Variants in LIN9 observed in about 807,000 individuals in gnomAD.
LIN9 encodes lin-9 DREAM MuvB core complex component, also known as protein lin-9 homolog.
A neutral mutation model predicts 78.0 loss-of-function variants in LIN9; 18 were observed. The ratio of observed to expected loss-of-function variants is 0.23; its 90% confidence interval spans 0.16 to 0.34. The LOEUF (loss-of-function observed/expected upper bound fraction) is 0.34. Ranked by LOEUF, LIN9 falls within the 10% of genes least tolerant of loss-of-function variation. The pLI, the probability that LIN9 is intolerant of heterozygous loss-of-function variation, is 1.00. For synonymous variants in LIN9, 192 were observed against 215.2 expected (o/e 0.89, Z 0.94); for missense variants, 451 against 644.1 (o/e 0.70, Z 3.25).
At chr1:226,241,751 G>A (rs368470981) in intron 11 of LIN9, among the ~76,000 whole-genome samples, 149 of 152,130 alleles carry the variant, frequency 9.8e-4, no homozygotes, top group African/African-American at 3.5e-3. Flanking sequence ...CCAGCTACTC[G>A]GGAGGCTGAG....
intron 1 of LIN9, among the ~76,000 whole-genome samples, chr1:226,302,740 T>G (rs1662642682): frequency 6.6e-6 from 1 of 152,208 alleles, no homozygotes. Context: ...GAGGACGGAT[T>G]AATCCTCCTT....
chr1:226,251,103 C>G (rs1361406160), intron 10 of LIN9, among the ~76,000 whole-genome samples, 184 bp from the exon 11 acceptor site: 1 of 152,154 alleles, frequency 6.6e-6, no homozygotes, highest in Non-Finnish European at 1.5e-5. Context: ...GTCACCCAGG[C>G]TGGAGTGCAG....
chr1:226,272,588 G>A (rs574477874), intron 7 of LIN9, among the ~76,000 whole-genome samples: 1 of 148,680 alleles, frequency 6.7e-6, no homozygotes, highest in South Asian at 2.1e-4. Flanking sequence ...GTCTCACTAT[G>A]GTGGGAAAAA....
chr1:226,240,853 GTTC>G (rs1170817472), intron 11 of LIN9, among the ~76,000 whole-genome samples: 2 of 152,120 alleles, frequency 1.3e-5, no homozygotes, highest in Non-Finnish European at 2.9e-5. Context: ...CCTGGCTAAT[GTTC>G]TAAGTGTTTT....
chr1:226,294,747 C>A (rs1662026805), intron 4 of LIN9, among the ~76,000 whole-genome samples: 1 of 151,862 alleles, frequency 6.6e-6, no homozygotes, highest in Non-Finnish European at 1.5e-5. Flanking sequence ...AATTACATTA[C>A]CCTTAAAGTT....
intron 7 of LIN9, among the ~76,000 whole-genome samples, chr1:226,275,721 G>GA (rs369733182): frequency 0.11 from 13,772 of 126,628 alleles, 825 homozygotes; most frequent in Middle Eastern, 0.22. Flanking sequence ...AAGAAAAAAA[G>GA]AAAAAATAGC....
chr1:226,281,226 T>C (rs961102311), intron 6 of LIN9, among the ~76,000 whole-genome samples: 2 of 151,914 alleles, frequency 1.3e-5, no homozygotes, highest in South Asian at 2.1e-4. Context: ...GTGGATCTCA[T>C]GGAGGTAGAA....
chr1:226,272,051 CTT>C (rs1215375984), intron 7 of LIN9, among the ~76,000 whole-genome samples: 41 of 128,078 alleles, frequency 3.2e-4, no homozygotes, highest in Middle Eastern at 4.0e-3. Flanking sequence ...ATTATCTTAA[CTT>C]TTTTTTTTTT....
At chr1:226,261,429 A>G (rs1659585007) in intron 10 of LIN9, among the ~76,000 whole-genome samples, 1 of 152,206 alleles carries the variant, frequency 6.6e-6, no homozygotes, top group Admixed American at 6.5e-5. Context: ...CTAATAAGTG[A>G]CTACAGCAAA....
In LIN9 at chr1:226,284,598, C is replaced by A. The variant is rs141678115; in HGVS notation, c.524+1735G>T. Among the ~76,000 whole-genome samples, 55 of 152,190 alleles carry A rather than the reference C, an allele frequency of 3.6e-4. No individual in the cohort carries two copies. In the East Asian group the frequency reaches 0.01, roughly 28 times the overall value. The stretch of plus-strand genomic sequence containing the variant: ...AATTAGCTGGGCATGGTGGCGAGCA[C>A]CTATAATCCCAGCTACTCAGGAGGC... On this transcript the variant is annotated intron_variant, in intron 6 of 14. Coordinates refer to ENST00000681046, the MANE Select transcript of LIN9 (RefSeq NM_001366245.2).
At position 226,265,543 on chromosome 1, in the gene LIN9, A is replaced by C; in HGVS notation, c.1028T>G (p.Leu343Arg). Residue 343 changes from leucine to arginine, a missense_variant, in exon 10 of 15, where the codon CTT (leucine) becomes CGT (arginine). Coordinates refer to ENST00000681046, the MANE Select transcript of LIN9 (RefSeq NM_001366245.2). The surrounding 1 kb of genome is among the most constrained non-coding windows in gnomAD (Gnocchi z 4.1). Reference protein sequence around the residue: ...ETLGGFPVEFLIQVTRLSKIL... With the variant: ...ETLGGFPVEFRIQVTRLSKIL... ...CAGAACAATTCTTACCACTTGGATAAGAAATTCTACTGGAAAACCACCTAA... is the reference window on the plus strand; with the variant it reads ...CAGAACAATTCTTACCACTTGGATACGAAATTCTACTGGAAAACCACCTAA... The C allele has an allele frequency of 1.2e-6, 2 of 1,600,184 alleles. No individual in the cohort carries two copies. The highest frequency in any genetic ancestry group is 8.6e-7 in the Non-Finnish European group (1 of 1,168,300).
intron 11 of LIN9, among the ~76,000 whole-genome samples, chr1:226,247,674 C>CTTTTT (rs35184021): frequency 7.2e-6 from 1 of 138,904 alleles, no homozygotes; most frequent in African/African-American, 2.7e-5. Flanking sequence ...TGTTTTCTTT[C>CTTTTT]TTTTTTTTTT....
intron 11 of LIN9, among the ~76,000 whole-genome samples, chr1:226,249,009 G>A (rs1236171808): frequency 2.6e-5 from 4 of 152,132 alleles, no homozygotes; most frequent in African/African-American, 4.8e-5. Context: ...CTTGGTTTGC[G>A]AAACAACCCA....
chr1:226,254,236 A>G (rs1659045557), intron 10 of LIN9, among the ~76,000 whole-genome samples: 1 of 152,178 alleles, frequency 6.6e-6, no homozygotes, highest in African/African-American at 2.4e-5. Context: ...TTGGCCACCT[A>G]AAGTGCTGGG....
chr1:226,291,480 A>G (rs974560061), intron 4 of LIN9, among the ~76,000 whole-genome samples: 15 of 152,084 alleles, frequency 9.9e-5, no homozygotes, highest in Admixed American at 2.0e-4. Flanking sequence ...ACATTTAACA[A>G]TATTAAATAT....
At chr1:226,249,283 G>A (rs1027995961) in intron 11 of LIN9, among the ~76,000 whole-genome samples, 6 of 152,138 alleles carry the variant, frequency 3.9e-5, no homozygotes, top group African/African-American at 1.2e-4. Context: ...AAAGAAGCAC[G>A]CACATACATT....
At chr1:226,271,697 A>C (rs532777490) in intron 7 of LIN9, among the ~76,000 whole-genome samples, 1 of 152,180 alleles carries the variant, frequency 6.6e-6, no homozygotes, top group Non-Finnish European at 1.5e-5. Flanking sequence ...ATCTACAACT[A>C]TGATTGTGGA....
intron 12 of LIN9, among the ~76,000 whole-genome samples, chr1:226,236,338 G>C (rs1294965742): frequency 1.3e-5 from 2 of 151,166 alleles, no homozygotes; most frequent in African/African-American, 4.9e-5. Context: ...CCATCTTCCA[G>C]TACCACCTCC....
At chr1:226,235,030 CAGTA>C (rs1164591749) in intron 12 of LIN9, among the ~76,000 whole-genome samples, 1 of 151,378 alleles carries the variant, frequency 6.6e-6, no homozygotes, top group Non-Finnish European at 1.5e-5. Context: ...CTAGAGTACA[CAGTA>C]AGAGTTTCAG....
Sources: allele counts gnomAD v4.1 joint callset (sites outside exome capture counted in the v4.1 genomes callset), GRCh38; gene constraint gnomAD v4.1.1; non-coding constraint Gnocchi (gnomAD v3.1); transcripts MANE v1.5; gene names NCBI Gene and HGNC (gene_info 2026-07-23, HGNC 2026-07-21).